The following XYLT1 variants were observed in gnomAD, a reference collection of about 807,000 sequenced individuals.
XYLT1 encodes the protein beta-D-xylosyltransferase 1.
Under a neutral mutation model 91.3 loss-of-function variants are expected in XYLT1, and 36 were observed. That is an observed-to-expected ratio of 0.39 (90% CI 0.30 to 0.52). The LOEUF is 0.52. Among genes scored for constraint, XYLT1 ranks in the 20% least tolerant of loss-of-function variants. The pLI is 0.68. For synonymous variants in XYLT1, 588 were observed against 532.0 expected, an observed-to-expected ratio of 1.11 and a Z score of -1.45; for missense variants, 1,242 against 1,284.5, an observed-to-expected ratio of 0.97 and a Z score of 0.51.
intron 2 of XYLT1, among the ~76,000 whole-genome samples, chr16:17,296,893 G>C (rs907490215): frequency 6.6e-6 from 1 of 152,266 alleles, no homozygotes; most frequent in East Asian, 1.9e-4. Flanking sequence ...TACAGTCTAA[G>C]GTCTTTGAGT....
At chr16:17,216,111 C>A (rs888124629) in intron 3 of XYLT1, among the ~76,000 whole-genome samples, 3 of 152,164 alleles carry the variant, frequency 2.0e-5, no homozygotes, top group Non-Finnish European at 4.4e-5. Context: ...CCCTCTTGAC[C>A]CAGAGGCTGC....
chr16:17,171,618 A>G (rs2031821816), intron 5 of XYLT1, among the ~76,000 whole-genome samples: 1 of 152,256 alleles, frequency 6.6e-6, no homozygotes, highest in Non-Finnish European at 1.5e-5. Context: ...CAGAGGACAC[A>G]GGCCTTGAAG....
At chr16:17,115,840 C>G (rs8047151) in intron 11 of XYLT1, among the ~76,000 whole-genome samples, 135,878 of 140,464 alleles carry the variant, frequency 0.97, 65,768 homozygotes, top group Middle Eastern at 0.99. Context: ...TTTCCTTGCA[C>G]TATTATCAGT....
rs1482067576 is a variant in XYLT1 at position 17,112,531 on chromosome 16, G to A, written c.2558-3514C>T. Among the ~76,000 whole-genome samples the A allele has an allele frequency of 2.0e-5, 3 of 152,078 alleles. No individual in the cohort carries two copies. The East Asian group carries it at 5.8e-4, about 29-fold the overall frequency. ...GCGTGGGGGTGTGTTCAGGAGCACT[G>A]CTTCATTCTGACCAACAGGTGTACC... On this transcript the variant is annotated intron_variant, in intron 11 of 11. Transcript: ENST00000261381.
At chr16:17,293,214 G>A (rs1054614149) in intron 2 of XYLT1, among the ~76,000 whole-genome samples, 1 of 152,140 alleles carries the variant, frequency 6.6e-6, no homozygotes, top group Non-Finnish European at 1.5e-5. Context: ...GGGAGGGGAG[G>A]AGAGGTGACT....
intron 4 of XYLT1, among the ~76,000 whole-genome samples, chr16:17,199,891 G>C (rs1410729802): frequency 6.6e-6 from 1 of 152,096 alleles, no homozygotes; most frequent in Admixed American, 6.5e-5. Context: ...TATGTGAGAG[G>C]CAGGCAGAGG....
At chr16:17,301,960 T>G (rs1453988753) in intron 2 of XYLT1, among the ~76,000 whole-genome samples, 3 of 152,034 alleles carry the variant, frequency 2.0e-5, no homozygotes, top group Non-Finnish European at 4.4e-5. Flanking sequence ...GCCTGTAATC[T>G]CAGCACTTTG....
rs1332924896 is a variant in XYLT1, at chr16:17,138,547, G to A, written c.1588-16C>T. On this transcript the variant is annotated splice_polypyrimidine_tract_variant and intron_variant, in intron 7 of 11. Transcript: ENST00000261381. ...GGAAGAAGGACTGCAGGGGAGAGAG[G>A]GACCCAGCCTGAGACCTCTCCCAGC... 1.2e-6 allele frequency: 2 copies of A among 1,610,198 alleles called. No homozygotes were observed. Among genetic ancestry groups the A allele is most frequent in the East Asian group, 2.2e-5 (1 of 44,742 alleles).
chr16:17,416,734 G>A (rs1480265407), intron 1 of XYLT1, among the ~76,000 whole-genome samples: 2 of 152,228 alleles, frequency 1.3e-5, no homozygotes, highest in African/African-American at 4.8e-5. Flanking sequence ...GGAATTCTCA[G>A]CGGCTGCCTC....
chr16:17,149,330 T>G (rs757070563), intron 6 of XYLT1, among the ~76,000 whole-genome samples: 1 of 152,172 alleles, frequency 6.6e-6, no homozygotes, highest in African/African-American at 2.4e-5. Context: ...GTTTACAGCA[T>G]GTCTGAGCAA....
Position 17,138,345 on chromosome 16 carries a change from A to G in XYLT1, c.1764+10T>C, listed in dbSNP as rs778403659. ...ACTTAGGAGGCTGGCAGACCATGAG[A>G]AAGTCTCACCTGGAAGCGGTGGAAG... is the stretch of plus-strand genomic sequence containing the variant. On this transcript the variant is annotated intron_variant, in intron 8 of 11. Transcript: ENST00000261381. 6.2e-7 allele frequency: 1 copy of G among 1,606,040 alleles called. No homozygotes were observed. The highest frequency in any genetic ancestry group is 8.5e-7 in the Non-Finnish European group (1 of 1,173,832).
chr16:17,269,861 G>C (rs1213563428), intron 2 of XYLT1, among the ~76,000 whole-genome samples: 1 of 149,740 alleles, frequency 6.7e-6, no homozygotes, highest in Non-Finnish European at 1.5e-5. Context: ...GCCTAGGCTG[G>C]AGTGCAATGG....
At chr16:17,381,337 T>C (rs1225811400) in intron 1 of XYLT1, among the ~76,000 whole-genome samples, 1 of 151,972 alleles carries the variant, frequency 6.6e-6, no homozygotes, top group Non-Finnish European at 1.5e-5. Context: ...ACAAGCTAAT[T>C]ACATTTCAAT....
At chr16:17,463,847 C>T (rs759057656) in intron 1 of XYLT1, among the ~76,000 whole-genome samples, 4 of 152,178 alleles carry the variant, frequency 2.6e-5, no homozygotes, top group Non-Finnish European at 4.4e-5. Flanking sequence ...AAGTGCCCAT[C>T]GGTGGATGAA....
intron 5 of XYLT1, among the ~76,000 whole-genome samples, chr16:17,176,114 C>G (rs537994937): frequency 6.6e-6 from 1 of 152,322 alleles, no homozygotes. Flanking sequence ...ACTGCAGCCA[C>G]AGTGGTGTTA....
intron 1 of XYLT1, among the ~76,000 whole-genome samples, chr16:17,375,098 T>C (rs1567399075): frequency 6.6e-6 from 1 of 152,176 alleles, no homozygotes; most frequent in Non-Finnish European, 1.5e-5. Context: ...GTGGAGACAC[T>C]TGTTAATGTC....
chr16:17,141,050 T>C (rs943135466), intron 7 of XYLT1, 103 bp downstream of exon 7: 44 of 1,128,142 alleles, frequency 3.9e-5, no homozygotes, highest in Middle Eastern at 2.3e-4. Context: ...GAGGACAATG[T>C]AGGTGGACCC....
Position 17,288,180 on chromosome 16 carries a change from C to T in XYLT1, c.403-28682G>A, listed in dbSNP as rs556718307. 1.2e-3 allele frequency among the ~76,000 whole-genome samples: 176 copies of T among 151,894 alleles called. 5 individuals carry two copies. The South Asian group carries it at 0.035, about 30-fold the overall frequency. On this transcript the variant is annotated intron_variant, in intron 2 of 11. Coordinates refer to ENST00000261381, the MANE Select transcript of XYLT1 (RefSeq NM_022166.4). Reference sequence around the variant, plus strand: ...CTGAGCTCAAGCCATCCTCCCGCTTCGGCCTCCTAAACTGCTGGGATTACA... The same window carrying T: ...CTGAGCTCAAGCCATCCTCCCGCTTTGGCCTCCTAAACTGCTGGGATTACA...
At chr16:17,308,210 G>A (rs1440943172) in intron 2 of XYLT1, among the ~76,000 whole-genome samples, 1 of 152,174 alleles carries the variant, frequency 6.6e-6, no homozygotes, top group Non-Finnish European at 1.5e-5. Context: ...TCCCAAGATG[G>A]TGCCAGTAAG....
Sources: gnomAD v4.1 joint callset for allele counts (sites outside exome capture counted in the v4.1 genomes callset) on GRCh38, gnomAD v4.1.1 for gene constraint, MANE v1.5 for transcripts, NCBI Gene and HGNC (gene_info 2026-07-23, HGNC 2026-07-21) for gene names.